The following KIRREL3 variants were observed in gnomAD, a reference collection of about 807,000 sequenced individuals.
KIRREL3 encodes the protein kin of IRRE-like protein 3.
A neutral mutation model predicts 89.7 loss-of-function variants in KIRREL3; 36 were observed. That is an observed-to-expected ratio of 0.40 (90% CI 0.31 to 0.53). The LOEUF (loss-of-function observed/expected upper bound fraction) is 0.53, where lower values mean the gene tolerates loss of function less well. KIRREL3 is among the 20% of genes least tolerant of loss of function. KIRREL3 has a pLI of 0.49. For missense variants in KIRREL3, 864 were observed against 1,056.6 expected, an observed-to-expected ratio of 0.82 and a Z score of 2.53; for synonymous variants, 445 against 441.4, an observed-to-expected ratio of 1.01 and a Z score of -0.10.
intron 1 of KIRREL3, among the ~76,000 whole-genome samples, chr11:126,855,277 G>A (rs186130925): frequency 2.0e-5 from 3 of 152,352 alleles, no homozygotes; most frequent in Middle Eastern, 3.4e-3. Context: ...GCGTTCTTGC[G>A]ATAGTAAGTG....
At chr11:126,916,979 A>G (rs1309981901) in intron 1 of KIRREL3, among the ~76,000 whole-genome samples, 2 of 152,206 alleles carry the variant, frequency 1.3e-5, no homozygotes, top group Non-Finnish European at 2.9e-5. Context: ...CACCCTATAC[A>G]TGTAAATTCT....
Position 126,763,006 on chromosome 11 carries a change from T to C in KIRREL3, c.56-200094A>G, listed in dbSNP as rs1949710803. On this transcript the variant is annotated intron_variant, in intron 1 of 16. Coordinates refer to ENST00000525144, the MANE Select transcript of KIRREL3 (RefSeq NM_032531.4). This position sits in a 1 kb window ranked among gnomAD's most constrained non-coding sequence, Gnocchi z 4.7. ...GGGCTGCACTCTCAGAGGCCACCCA[T>C]CCTCAGGGATCCTGGGATTCAACTT... is the stretch of plus-strand genomic sequence containing the variant. 6.6e-6 allele frequency among the ~76,000 whole-genome samples: 1 copy of C among 152,190 alleles called. No individual in the cohort carries two copies. Among genetic ancestry groups the C allele is most frequent in the Non-Finnish European group, 1.5e-5 (1 of 68,030 alleles).
At chr11:126,546,609 A>G (rs996624175) in intron 2 of KIRREL3, among the ~76,000 whole-genome samples, 13 of 152,234 alleles carry the variant, frequency 8.5e-5, no homozygotes, top group Admixed American at 6.5e-5. Context: ...TGACATGCTC[A>G]TGCAAGTCTC....
intron 1 of KIRREL3, among the ~76,000 whole-genome samples, chr11:126,759,136 C>T (rs7101595): frequency 0.63 from 95,291 of 152,006 alleles, 30,302 homozygotes; most frequent in East Asian, 0.84. Context: ...TTTGTTGTAT[C>T]GTTTGAGACG....
intron 2 of KIRREL3, among the ~76,000 whole-genome samples, chr11:126,556,089 T>C (rs1021709947): frequency 5.9e-5 from 9 of 152,192 alleles, no homozygotes; most frequent in Admixed American, 6.5e-5. Flanking sequence ...AAAAGGAACA[T>C]GACATGGTCA....
chr11:126,506,450 C>T (rs747136025), intron 4 of KIRREL3, among the ~76,000 whole-genome samples: 12 of 152,300 alleles, frequency 7.9e-5, no homozygotes, highest in Non-Finnish European at 1.3e-4. Flanking sequence ...TTTGAATAGA[C>T]ATTTTACCAA....
intron 1 of KIRREL3, among the ~76,000 whole-genome samples, chr11:126,926,820 G>C (rs1364154031): frequency 6.6e-6 from 1 of 152,152 alleles, no homozygotes; most frequent in Non-Finnish European, 1.5e-5. Context: ...AAGATGTCTT[G>C]GTCAGAAGTT....
intron 1 of KIRREL3, among the ~76,000 whole-genome samples, chr11:126,630,231 A>C (rs1357069489): frequency 6.6e-6 from 1 of 152,178 alleles, no homozygotes; most frequent in Admixed American, 6.5e-5. Flanking sequence ...GTCGAATGGA[A>C]TATAAGCCCC....
In KIRREL3 at chr11:126,754,519, T is replaced by C. The variant is rs909148433; in HGVS notation, c.56-191607A>G. ...CAAAATGGGCAGAGTCTACTTGGTT[T>C]AAGGCCTACAAACTGCATGTCTTTG... On this transcript the variant is annotated intron_variant, in intron 1 of 16. Coordinates refer to ENST00000525144, the MANE Select transcript of KIRREL3 (RefSeq NM_032531.4). This position sits in a 1 kb window ranked among gnomAD's most constrained non-coding sequence, Gnocchi z 5.1. Among the ~76,000 whole-genome samples the C allele has an allele frequency of 6.6e-6, 1 of 152,112 alleles. No homozygotes were observed. The highest frequency in any genetic ancestry group is 1.5e-5 in the Non-Finnish European group (1 of 68,016).
chr11:126,956,672 T>C (rs774951617), intron 1 of KIRREL3, among the ~76,000 whole-genome samples: 7 of 152,242 alleles, frequency 4.6e-5, no homozygotes, highest in Non-Finnish European at 1.0e-4. Flanking sequence ...GTCATTAATT[T>C]GTTTAATTTA....
rs189566766 is a variant in KIRREL3, at chr11:126,891,650, T to C, written c.55+108805A>G. ...CCAGTGGCCTGACAGTTAAGGCAAATGCACAGACTTCAGAAATCACACCAA... is the reference window on the plus strand; with the variant it reads ...CCAGTGGCCTGACAGTTAAGGCAAACGCACAGACTTCAGAAATCACACCAA... On this transcript the variant is annotated intron_variant, in intron 1 of 16. Transcript: ENST00000525144. This position sits in a 1 kb window ranked among gnomAD's most constrained non-coding sequence, Gnocchi z 5.1. Among the ~76,000 whole-genome samples the C allele has an allele frequency of 5.8e-4, 88 of 152,300 alleles. 1 individual carries two copies. Among genetic ancestry groups the C allele is most frequent in the African/African-American group, 2.0e-3 (84 of 41,576 alleles).
chr11:126,720,903 G>C (rs1948145290), intron 1 of KIRREL3, among the ~76,000 whole-genome samples: 1 of 152,176 alleles, frequency 6.6e-6, no homozygotes, highest in African/African-American at 2.4e-5. Context: ...AAGATCTGGA[G>C]TCATACATTA....
In KIRREL3 at chr11:126,878,273, C is replaced by A. The variant is rs540043571; in HGVS notation, c.55+122182G>T. Among the ~76,000 whole-genome samples, 17 of 152,254 alleles carry A rather than the reference C, an allele frequency of 1.1e-4. No homozygotes were observed. The East Asian group carries it at 3.3e-3, about 29-fold the overall frequency. On this transcript the variant is annotated intron_variant, in intron 1 of 16. Transcript: ENST00000525144. ...GTGGAGAGTTAAAAGTCCCCTGCAG[C>A]TATTAAAATAGTGTGTAGTGAGAAC...
chr11:126,595,183 G>C (rs1942337068), intron 1 of KIRREL3, among the ~76,000 whole-genome samples: 1 of 152,270 alleles, frequency 6.6e-6, no homozygotes, highest in Admixed American at 6.5e-5. Flanking sequence ...ACTTGTGGAG[G>C]GGGTGGCGGG....
chr11:126,773,572 C>T lies in KIRREL3; in HGVS notation c.56-210660G>A, dbSNP rs906550412. 7.9e-5 allele frequency among the ~76,000 whole-genome samples: 12 copies of T among 152,204 alleles called. No individual in the cohort carries two copies. The highest frequency in any genetic ancestry group is 5.2e-4 in the Admixed American group (8 of 15,276). On this transcript the variant is annotated intron_variant, in intron 1 of 16. Coordinates refer to ENST00000525144, the MANE Select transcript of KIRREL3 (RefSeq NM_032531.4). This position sits in a 1 kb window ranked among gnomAD's most constrained non-coding sequence, Gnocchi z 4.2. ...CTGACTAATTCAAAGCCAAAGAGTGCTAGAGCTGGGTCTAGATCCTAGATC... is the reference window on the plus strand; with the variant it reads ...CTGACTAATTCAAAGCCAAAGAGTGTTAGAGCTGGGTCTAGATCCTAGATC...
intron 13 of KIRREL3, among the ~76,000 whole-genome samples, chr11:126,433,126 G>T (rs1022404483): frequency 1.3e-5 from 2 of 152,184 alleles, no homozygotes; most frequent in Non-Finnish European, 2.9e-5. Context: ...TGATCCGCCC[G>T]CCTCAGCCTC....
Position 126,429,157 on chromosome 11 carries a change from TG to T in KIRREL3, c.1806+21del. On this transcript the variant is annotated intron_variant, in intron 15 of 16. Coordinates refer to ENST00000525144, the MANE Select transcript of KIRREL3 (RefSeq NM_032531.4). The surrounding 1 kb of genome is among the most constrained non-coding windows in gnomAD (Gnocchi z 5.2). ...CTGGGAATGGAGTCACGGGATGGGA[TG>T]GGGCGTAATTGCATTCTTACCATCA... 2 of 1,465,066 alleles carry T rather than the reference TG, an allele frequency of 1.4e-6. No individual in the cohort carries two copies. Among genetic ancestry groups the T allele is most frequent in the South Asian group, 1.1e-5 (1 of 87,422 alleles). The allele number at this position is 1,465,066 out of a possible 1,614,324, so 90.8% of individuals were successfully genotyped here. A position where few individuals can be genotyped will look rare whatever the true frequency, so the allele number is the denominator to read the frequency against.
rs939118992 is a variant in KIRREL3 at position 126,656,202 on chromosome 11, A to G, written c.56-93290T>C. ...TGAGGTCAGGGAGGGCTACAGAGTT[A>G]GGACTCCGAAGTCAGAAAGATGCCT... On this transcript the variant is annotated intron_variant, in intron 1 of 16. Transcript: ENST00000525144. The surrounding 1 kb of genome is among the most constrained non-coding windows in gnomAD (Gnocchi z 4.0). The G allele has an allele frequency of 2.0e-5, 9 of 456,004 alleles. No individual in the cohort carries two copies. The highest frequency in any genetic ancestry group is 4.0e-5 in the Non-Finnish European group (9 of 226,878). 28.2% of individuals were successfully genotyped at this position (456,004 alleles called of 1,614,324 possible). A position where few individuals can be genotyped will look rare whatever the true frequency, so the allele number is the denominator to read the frequency against.
chr11:126,695,312 T>A (rs1189573646), intron 1 of KIRREL3, among the ~76,000 whole-genome samples: 1 of 150,224 alleles, frequency 6.7e-6, no homozygotes, highest in African/African-American at 2.5e-5. Context: ...GAGTTAGAAC[T>A]GCAATCAGGT....
Sources: allele counts gnomAD v4.1 joint callset (sites outside exome capture counted in the v4.1 genomes callset), GRCh38; gene constraint gnomAD v4.1.1; non-coding constraint Gnocchi (gnomAD v3.1); transcripts MANE v1.5; gene names NCBI Gene and HGNC (gene_info 2026-07-23, HGNC 2026-07-21).